The following CEP85 variants were observed in gnomAD, a reference collection of about 807,000 sequenced individuals.
CEP85 encodes the protein centrosomal protein of 85 kDa.
Under a neutral mutation model 93.7 loss-of-function variants are expected in CEP85, and 58 were observed. The observed-to-expected ratio is 0.62, with a 90% CI of 0.50 to 0.77. The LOEUF is 0.77. CEP85 is among the 30% of genes least tolerant of loss of function. The pLI is 0.00. For missense variants in CEP85, 868 were observed against 922.0 expected, an observed-to-expected ratio of 0.94 and a Z score of 0.76; for synonymous variants, 314 against 338.6, an observed-to-expected ratio of 0.93 and a Z score of 0.80.
chr1:26,265,948 C>T (rs1191309738), intron 7 of CEP85, among the ~76,000 whole-genome samples: 2 of 151,952 alleles, frequency 1.3e-5, no homozygotes, highest in Non-Finnish European at 2.9e-5. Context: ...TGGCTCACGC[C>T]TGTAATCCCA....
chr1:26,255,889 T>C, intron 4 of CEP85, 24 bp downstream of exon 4: 1 of 1,567,222 alleles, frequency 6.4e-7, no homozygotes, highest in Non-Finnish European at 8.7e-7. Context: ...TTTCCTTGGA[T>C]TTTCTAGGTT....
intron 3 of CEP85, among the ~76,000 whole-genome samples, chr1:26,249,294 C>A (rs774528076): frequency 5.9e-5 from 9 of 152,212 alleles, no homozygotes; most frequent in Non-Finnish European, 1.2e-4. Context: ...GTTGGCCAGA[C>A]TGGTCTCGAA....
Position 26,272,143 on chromosome 1 carries a change from T to C in CEP85, c.1794+72T>C, listed in dbSNP as rs1006763502. 8.2e-6 allele frequency: 12 copies of C among 1,459,964 alleles called. No individual in the cohort carries two copies. In the Admixed American group the frequency reaches 1.8e-4, roughly 22 times the overall value. 90.4% of individuals were successfully genotyped at this position (1,459,964 alleles called of 1,614,324 possible). The stretch of plus-strand genomic sequence containing the variant: ...ATCTCTAGAATTTAGCCAATATTTA[T>C]TTTGTTCTCTGCCATGCAGGTTGCT... On this transcript the variant is annotated intron_variant, in intron 11 of 13. Transcript: ENST00000451429.
intron 3 of CEP85, among the ~76,000 whole-genome samples, chr1:26,251,355 G>A (rs913877840): frequency 1.3e-5 from 2 of 149,254 alleles, no homozygotes; most frequent in African/African-American, 4.9e-5. Context: ...GGTTTCAGGC[G>A]ATTCTCCTGC....
At chr1:26,236,921 C>T (rs558226123) in intron 1 of CEP85, among the ~76,000 whole-genome samples, 1 of 152,284 alleles carries the variant, frequency 6.6e-6, no homozygotes, top group African/African-American at 2.4e-5. Context: ...AAAGGAATGT[C>T]TGGGTTAAGG....
rs537434719 is a variant in CEP85, at chr1:26,272,755, A to C, written c.1794+684A>C. 1.4e-3 allele frequency among the ~76,000 whole-genome samples: 211 copies of C among 150,040 alleles called. 1 individual carries two copies. The highest frequency in any genetic ancestry group is 2.7e-3 in the Non-Finnish European group (185 of 67,878). On this transcript the variant is annotated intron_variant, in intron 11 of 13. Coordinates refer to ENST00000451429, the MANE Select transcript of CEP85 (RefSeq NM_001319944.2). ...GCAATTCTCCTGCCTCAGCCTCCCG[A>C]GTAGCTGGTATTACGGGTGCCCACC...
At chr1:26,270,965 G>C (rs747580130) in intron 9 of CEP85, 49 bp from the exon 10 acceptor site, 5 of 1,158,418 alleles carry the variant, frequency 4.3e-6, no homozygotes, top group Non-Finnish European at 6.5e-6. Flanking sequence ...AAGAATCAAA[G>C]CCACTTGTGT....
At chr1:26,249,636 A>G (rs2089572794) in intron 3 of CEP85, among the ~76,000 whole-genome samples, 1 of 152,192 alleles carries the variant, frequency 6.6e-6, no homozygotes, top group Admixed American at 6.5e-5. Context: ...GGTGTAATTC[A>G]GGCTACTGAA....
chr1:26,256,788 A>G (rs1412395607), intron 4 of CEP85, among the ~76,000 whole-genome samples: 1 of 151,408 alleles, frequency 6.6e-6, no homozygotes, highest in Non-Finnish European at 1.5e-5. Context: ...TAGTAGAAAC[A>G]GGGTTTCACC....
At position 26,238,511 on chromosome 1, in the gene CEP85, CTT is replaced by C. The variant is rs536365444; in HGVS notation, c.-22-1248_-22-1247del. Among the ~76,000 whole-genome samples the C allele has an allele frequency of 1.4e-4, 22 of 152,246 alleles. No individual in the cohort carries two copies. In the South Asian group the frequency reaches 2.1e-3, roughly 14 times the overall value. On this transcript the variant is annotated intron_variant, in intron 1 of 13. Coordinates refer to ENST00000451429, the MANE Select transcript of CEP85 (RefSeq NM_001319944.2). ...GAGCCCGGCCGAATTGTCCCAAACT[CTT>C]TTGGGGCTTTTATAAATTTAGAGTT...
At chr1:26,239,487 G>T (rs906818827) in intron 1 of CEP85, among the ~76,000 whole-genome samples, 1 of 152,104 alleles carries the variant, frequency 6.6e-6, no homozygotes, top group Non-Finnish European at 1.5e-5. Flanking sequence ...AAGTAGCTGG[G>T]ACTACAGATG....
intron 5 of CEP85, 23 bp downstream of exon 5, chr1:26,257,753 A>G (rs2089730876): frequency 6.2e-7 from 1 of 1,613,288 alleles, no homozygotes; most frequent in Non-Finnish European, 8.5e-7. Context: ...GGGGTACCAC[A>G]GAGCCAGACT....
intron 1 of CEP85, among the ~76,000 whole-genome samples, chr1:26,237,761 T>C (rs1414301190): frequency 6.6e-6 from 1 of 152,206 alleles, no homozygotes; most frequent in Non-Finnish European, 1.5e-5. Flanking sequence ...TCTGTCACCG[T>C]ATTTTCAACT....
Position 26,239,815 on chromosome 1 carries a change from G to T in CEP85, c.32G>T (p.Gly11Val). Residue 11 changes from glycine to valine, a missense_variant, in exon 2 of 14, where the codon GGG becomes GTG. Coordinates refer to ENST00000451429, the MANE Select transcript of CEP85 (RefSeq NM_001319944.2). ...ATGCAGGAGAAATATCCAACTGAGG[G>T]GATCTCTCACGTCACTTCACCGAGT... MAMQEKYPTEGISHVTSPSSD... is the reference protein window; with the variant it reads MAMQEKYPTEVISHVTSPSSD... 1 of 1,613,762 alleles carries T rather than the reference G, an allele frequency of 6.2e-7. No homozygotes were observed. The highest frequency in any genetic ancestry group is 8.5e-7 in the Non-Finnish European group (1 of 1,179,722).
chr1:26,252,979 T>C (rs1213600056), intron 3 of CEP85, among the ~76,000 whole-genome samples: 2 of 152,202 alleles, frequency 1.3e-5, no homozygotes, highest in African/African-American at 4.8e-5. Context: ...CTTCCACATA[T>C]AAGTAAGAAC....
At chr1:26,270,700 A>T (rs2089961069) in intron 9 of CEP85, among the ~76,000 whole-genome samples, 1 of 152,256 alleles carries the variant, frequency 6.6e-6, no homozygotes, top group South Asian at 2.1e-4. Flanking sequence ...TCTACAATGT[A>T]CATGTATGAC....
rs750889390 is a variant in CEP85, at chr1:26,277,523, C to T, written c.*230C>T. On this transcript the variant is annotated 3_prime_UTR_variant, in exon 14 of 14. Coordinates refer to ENST00000451429, the MANE Select transcript of CEP85 (RefSeq NM_001319944.2). ...CTCTAGACGGTGAGTTACTAATTAA[C>T]TTTTGGCAGGTACAACAGATAAGTC... The T allele has an allele frequency of 4.4e-6, 2 of 453,146 alleles. No homozygotes were observed. Among genetic ancestry groups the T allele is most frequent in the East Asian group, 3.6e-5 (1 of 27,856 alleles). The allele number at this position is 453,146 out of a possible 1,614,324, so 28.1% of individuals were successfully genotyped here.
intron 2 of CEP85, among the ~76,000 whole-genome samples, chr1:26,241,953 G>A (rs1035824489): frequency 2.6e-5 from 4 of 151,648 alleles, no homozygotes; most frequent in African/African-American, 4.8e-5. Context: ...TAGTAGAGAC[G>A]GGTTTCGCCA....
chr1:26,247,220 T>C (rs1041078205), intron 3 of CEP85, among the ~76,000 whole-genome samples: 4 of 152,206 alleles, frequency 2.6e-5, no homozygotes, highest in Non-Finnish European at 5.9e-5. Flanking sequence ...GGAAACAGCA[T>C]GACTGCCAAA....
Sources: allele counts gnomAD v4.1 joint callset (sites outside exome capture counted in the v4.1 genomes callset), GRCh38; gene constraint gnomAD v4.1.1; transcripts MANE v1.5; gene names NCBI Gene and HGNC (gene_info 2026-07-23, HGNC 2026-07-21).